PHYHIP: variants seen among roughly 807,000 people sequenced by gnomAD.
PHYHIP encodes phytanoyl-CoA 2-hydroxylase interacting protein, also known as phytanoyl-CoA hydroxylase-interacting protein.
PHYHIP carries 7 observed loss-of-function variants against 26.1 expected under a neutral mutation model. The observed-to-expected ratio is 0.27, with a 90% CI of 0.15 to 0.50. PHYHIP has a LOEUF of 0.50. Among genes scored for constraint, PHYHIP ranks in the 20% least tolerant of loss-of-function variants. The pLI is 0.98. For missense variants in PHYHIP, 232 were observed against 454.7 expected, an observed-to-expected ratio of 0.51 and a Z score of 4.45; for synonymous variants, 206 against 183.4, an observed-to-expected ratio of 1.12 and a Z score of -1.00.
In PHYHIP at chr8:22,221,512, G is replaced by A. The variant is rs763047915; in HGVS notation, c.834C>T (p.His278=). 3.9e-5 allele frequency: 63 copies of A among 1,614,036 alleles called. No individual in the cohort carries two copies. Among genetic ancestry groups the A allele is most frequent in the Non-Finnish European group, 4.9e-5 (58 of 1,179,958 alleles). The part of the protein sequence containing the change: ...SVEDGELVFR[H]AQDLILEIIY... The stretch of plus-strand genomic sequence containing the variant: ...TGATCTCCAGGATGAGGTCCTGGGC[G>A]TGGCGGAAGACCAGCTCCCCATCCT... Residue 278 remains histidine (H), a synonymous_variant, in exon 5 of 5, where the codon CAC becomes CAT. Coordinates refer to ENST00000454243, the MANE Select transcript of PHYHIP (RefSeq NM_014759.5). The surrounding 1 kb of genome is among the most constrained non-coding windows in gnomAD (Gnocchi z 7.9).
chr8:22,225,019 C>A (rs982198185), intron 3 of PHYHIP, among the ~76,000 whole-genome samples: 1 of 152,180 alleles, frequency 6.6e-6, no homozygotes, highest in Non-Finnish European at 1.5e-5. Flanking sequence ...CTCTTTGTGG[C>A]TGCATCCCTG....
At chr8:22,225,086 A>G (rs1258736576) in intron 3 of PHYHIP, among the ~76,000 whole-genome samples, 1 of 152,160 alleles carries the variant, frequency 6.6e-6, no homozygotes, top group Non-Finnish European at 1.5e-5. Context: ...CAGATCTCCA[A>G]TTTGAATTAA....
At chr8:22,225,795 G>A (rs1180159699) in intron 3 of PHYHIP, among the ~76,000 whole-genome samples, 4 of 146,134 alleles carry the variant, frequency 2.7e-5, no homozygotes, top group Middle Eastern at 3.5e-3. Context: ...CGACAAGAGC[G>A]AGATTCCATC....
rs190173064 is a variant in PHYHIP, at chr8:22,224,415, C to A, written c.341-72G>T. 2.2e-4 allele frequency: 189 copies of A among 850,012 alleles called. 2 individuals are homozygous for A. The African/African-American group carries it at 2.9e-3, about 13-fold the overall frequency. 52.7% of individuals were successfully genotyped at this position (850,012 alleles called of 1,614,324 possible). On this transcript the variant is annotated intron_variant, in intron 3 of 4. Coordinates refer to ENST00000454243, the MANE Select transcript of PHYHIP (RefSeq NM_014759.5). The stretch of plus-strand genomic sequence containing the variant: ...GCACAAACACCTCCTGTCCCCACCC[C>A]ACCCCACACTGTGTGTGCCGGCCAA...
At position 22,228,189 on chromosome 8, in the gene PHYHIP, T is replaced by A; in HGVS notation, c.165+4A>T. ...GAGGGGCTCCCAGGACACCTTCTAC[T>A]CACCCGGTGCTTGAACTTGTTGGAA... is the stretch of plus-strand genomic sequence containing the variant. On this transcript the variant is annotated splice_donor_region_variant and intron_variant, in intron 2 of 4. Coordinates refer to ENST00000454243, the MANE Select transcript of PHYHIP (RefSeq NM_014759.5). The A allele has an allele frequency of 6.2e-7, 1 of 1,613,684 alleles. No individual in the cohort carries two copies. The highest frequency in any genetic ancestry group is 8.5e-7 in the Non-Finnish European group (1 of 1,179,640).
chr8:22,230,684 C>T (rs1374104065), intron 1 of PHYHIP, among the ~76,000 whole-genome samples: 2 of 152,130 alleles, frequency 1.3e-5, no homozygotes, highest in Non-Finnish European at 2.9e-5. Flanking sequence ...TGCCCACCCA[C>T]CCGCGTCCCA....
rs1829757826 is a variant in PHYHIP, at chr8:22,226,889, A to T, written c.302T>A (p.Val101Glu). The T allele has an allele frequency of 6.2e-7, 1 of 1,613,974 alleles. No individual in the cohort carries two copies. Among genetic ancestry groups the T allele is most frequent in the Non-Finnish European group, 8.5e-7 (1 of 1,179,996 alleles). The part of the protein sequence containing the change: ...AVKQSDGEYL[V>E]SGWSETVEFC... Reference sequence around the variant, plus strand: ...CTCCACCGTCTCGCTCCAGCCGGACACCAGGTACTCCCCATCGCTCTGCTT... The same window carrying T: ...CTCCACCGTCTCGCTCCAGCCGGACTCCAGGTACTCCCCATCGCTCTGCTT... The change falls in exon 3 of 5, where the codon GTG becomes GAG. Residue 101 changes from valine (V) to glutamate (E), a missense_variant. Val to Glu is a moderately radical substitution (Grantham distance 121). Coordinates refer to ENST00000454243, the MANE Select transcript of PHYHIP (RefSeq NM_014759.5).
rs1260382114 is a variant in PHYHIP at position 22,224,188 on chromosome 8, GA to G, written c.458+37del. On this transcript the variant is annotated intron_variant, in intron 4 of 4. Transcript: ENST00000454243. Reference sequence around the variant, plus strand: ...GAGCAGGAAGGGCTGGGAGGGAGGAGAGGCCCGGCGGGTCCAGCCGGGAGCC... The same window carrying G: ...GAGCAGGAAGGGCTGGGAGGGAGGAGGGCCCGGCGGGTCCAGCCGGGAGCC... 3 of 1,210,176 alleles carry G rather than the reference GA, an allele frequency of 2.5e-6. No homozygotes were observed. The Admixed American group carries it at 5.1e-5, about 20-fold the overall frequency. 75.0% of individuals were successfully genotyped at this position (1,210,176 alleles called of 1,614,324 possible). A position where few individuals can be genotyped will look rare whatever the true frequency, so the allele number is the denominator to read the frequency against.
chr8:22,222,047 T>C (rs2131919951), intron 4 of PHYHIP, among the ~76,000 whole-genome samples, 160 bp from the exon 5 acceptor site: 1 of 152,186 alleles, frequency 6.6e-6, no homozygotes, highest in East Asian at 1.9e-4. Context: ...CATTCCAGAA[T>C]GCAAGAGCAG....
At chr8:22,227,521 ACGCCGGTGCCGT>A in intron 2 of PHYHIP, 1 of 438,934 alleles carries the variant, frequency 2.3e-6, no homozygotes. Flanking sequence ...TGAGTAACCC[ACGCCGGTGCCGT>A]CGGCCTGGGA....
chr8:22,231,395 C>G (rs1392895557), intron 1 of PHYHIP, among the ~76,000 whole-genome samples: 1 of 152,260 alleles, frequency 6.6e-6, no homozygotes, highest in Admixed American at 6.5e-5. Context: ...TCAAAACCCA[C>G]ACATGAGCAT....
intron 4 of PHYHIP, among the ~76,000 whole-genome samples, chr8:22,222,710 C>T (rs1829655380): frequency 1.3e-5 from 2 of 152,334 alleles, no homozygotes; most frequent in South Asian, 4.1e-4. Flanking sequence ...GTGCCTGGCA[C>T]CCATGAGTGC....
intron 4 of PHYHIP, chr8:22,223,994 T>C (rs1829689837): frequency 3.9e-6 from 2 of 514,252 alleles, no homozygotes; most frequent in East Asian, 3.4e-5. Flanking sequence ...GGCTCATTAG[T>C]ACAACACTCT....
intron 1 of PHYHIP, among the ~76,000 whole-genome samples, chr8:22,229,669 AGTTCCT>A (rs375250156): frequency 6.6e-6 from 1 of 152,164 alleles, no homozygotes; most frequent in African/African-American, 2.4e-5. Context: ...CCTCCAGCCC[AGTTCCT>A]GGCACCCCTC....
rs1829572157 is a variant in PHYHIP at position 22,219,708 on chromosome 8, T to G, written c.*1645A>C. 6.5e-6 allele frequency: 1 copy of G among 152,724 alleles called. No homozygotes were observed. Among genetic ancestry groups the G allele is most frequent in the Non-Finnish European group, 1.5e-5 (1 of 68,080 alleles). 9.5% of individuals were successfully genotyped at this position (152,724 alleles called of 1,614,324 possible). Reference sequence around the variant, plus strand: ...TTTTGTTACAGCAGCTCAAATGGACTGAGACGAGCAGGGCCCTCAGGCCAT... The same window carrying G: ...TTTTGTTACAGCAGCTCAAATGGACGGAGACGAGCAGGGCCCTCAGGCCAT... On this transcript the variant is annotated 3_prime_UTR_variant, in exon 5 of 5. Coordinates refer to ENST00000454243, the MANE Select transcript of PHYHIP (RefSeq NM_014759.5).
In PHYHIP at chr8:22,226,841, A is replaced by G; in HGVS notation, c.340+10T>C. 1.2e-6 allele frequency: 2 copies of G among 1,605,790 alleles called. No homozygotes were observed. The highest frequency in any genetic ancestry group is 1.7e-6 in the Non-Finnish European group (2 of 1,174,538). ...AGCAGCAGGACAGGGGTGTGATAGCAGGGCCTCACCCCCAGTGCAGAACTC... is the reference window on the plus strand; with the variant it reads ...AGCAGCAGGACAGGGGTGTGATAGCGGGGCCTCACCCCCAGTGCAGAACTC... On this transcript the variant is annotated intron_variant, in intron 3 of 4. Transcript: ENST00000454243.
intron 4 of PHYHIP, among the ~76,000 whole-genome samples, chr8:22,222,358 C>G (rs1829648613): frequency 6.6e-6 from 1 of 152,226 alleles, no homozygotes; most frequent in African/African-American, 2.4e-5. Context: ...AGCCTTCAAG[C>G]TTCAGTCAAG....
rs1208497885 is a variant in PHYHIP at position 22,228,341 on chromosome 8, G to A, written c.17C>T (p.Thr6Met). The change falls in exon 2 of 5, where the codon ACG becomes ATG. Residue 6 changes from threonine (T) to methionine (M), a missense_variant. Coordinates refer to ENST00000454243, the MANE Select transcript of PHYHIP (RefSeq NM_014759.5). MELLS[T>M]PHSIEINNIT... ...GTTGTTGATCTCAATGCTGTGGGGCGTGGACAGCAGCTCCATGCTCCCGTC... is the reference window on the plus strand; with the variant it reads ...GTTGTTGATCTCAATGCTGTGGGGCATGGACAGCAGCTCCATGCTCCCGTC... 3.8e-6 allele frequency: 6 copies of A among 1,598,054 alleles called. No homozygotes were observed. Among genetic ancestry groups the A allele is most frequent in the African/African-American group, 1.3e-5 (1 of 74,642 alleles).
In PHYHIP at chr8:22,232,057, A is replaced by G. The variant is rs983588600; in HGVS notation, c.-291T>C. Reference sequence around the variant, plus strand: ...GCGCAAGAAGAGAGGCAAGAGCGAAATCAAAGCAGCGTGGAGGAGAGAGAG... The same window carrying G: ...GCGCAAGAAGAGAGGCAAGAGCGAAGTCAAAGCAGCGTGGAGGAGAGAGAG... On this transcript the variant is annotated 5_prime_UTR_variant, in exon 1 of 5. Coordinates refer to ENST00000454243, the MANE Select transcript of PHYHIP (RefSeq NM_014759.5). The G allele has an allele frequency of 1.3e-5, 2 of 153,878 alleles. No homozygotes were observed. The highest frequency in any genetic ancestry group is 4.8e-5 in the African/African-American group (2 of 41,470). 9.5% of individuals were successfully genotyped at this position (153,878 alleles called of 1,614,324 possible). A position where few individuals can be genotyped will look rare whatever the true frequency, so the allele number is the denominator to read the frequency against.
Sources: gnomAD v4.1 joint callset for allele counts (sites outside exome capture counted in the v4.1 genomes callset) on GRCh38, gnomAD v4.1.1 for gene constraint, Gnocchi (gnomAD v3.1) non-coding constraint, MANE v1.5 for transcripts, NCBI Gene and HGNC (gene_info 2026-07-23, HGNC 2026-07-21) for gene names.